PPM1D: variants seen among roughly 807,000 people sequenced by gnomAD.
PPM1D encodes protein phosphatase, Mg2+/Mn2+ dependent 1D, also known as protein phosphatase 1D.
Under a neutral mutation model 58.3 loss-of-function variants are expected in PPM1D, and 52 were observed. The observed-to-expected ratio is 0.89, with a 90% confidence interval of 0.71 to 1.12. The LOEUF (loss-of-function observed/expected upper bound fraction) is 1.12, where lower values mean the gene tolerates loss of function less well. PPM1D is among the 50% of genes most tolerant of loss of function. The pLI is 0.00. For synonymous variants in PPM1D, 278 were observed against 285.1 expected (o/e 0.98, Z 0.25); for missense variants, 564 against 777.2 (o/e 0.73, Z 3.26).
chr17:60,600,701 C>G lies in PPM1D; in HGVS notation c.287C>G (p.Ser96Cys). 5.6e-6 allele frequency: 9 copies of G among 1,601,150 alleles called. No homozygotes were observed. Among genetic ancestry groups the G allele is most frequent in the Non-Finnish European group, 7.7e-6 (9 of 1,174,964 alleles). The part of the protein sequence containing the change: ...PAPSRCCRRR[S>C]SVAFFAVCDG... ...CCTAGCCGCTGCTGCCGCCGCCGTT[C>G]CTCCGTGGCCTTTTTCGCCGTGTGC... The change falls in exon 1 of 6, where the codon TCC becomes TGC. Residue 96 changes from serine to cysteine, a missense_variant. Ser to Cys is a moderately radical substitution (Grantham distance 112, BLOSUM62 -1). Transcript: ENST00000305921.
chr17:60,654,241 G>A (rs762141704), intron 4 of PPM1D, among the ~76,000 whole-genome samples: 7 of 149,938 alleles, frequency 4.7e-5, no homozygotes, highest in East Asian at 4.0e-4. Flanking sequence ...TCAATTTTAC[G>A]AAATGCTTTT....
At chr17:60,602,696 A>G (rs1202036128) in intron 1 of PPM1D, among the ~76,000 whole-genome samples, 1 of 151,906 alleles carries the variant, frequency 6.6e-6, no homozygotes, top group Non-Finnish European at 1.5e-5. Context: ...TATGATGCAT[A>G]AAGTTTAGAG....
At chr17:60,647,216 C>G (rs1372705136) in intron 3 of PPM1D, among the ~76,000 whole-genome samples, 1 of 152,124 alleles carries the variant, frequency 6.6e-6, no homozygotes, top group Admixed American at 6.6e-5. Flanking sequence ...ATCTATGAAT[C>G]TGATTGGTTA....
At chr17:60,619,309 A>C (rs145145639) in intron 1 of PPM1D, among the ~76,000 whole-genome samples, 44 of 150,272 alleles carry the variant, frequency 2.9e-4, no homozygotes, top group African/African-American at 9.1e-4. Flanking sequence ...GATTGTTTTC[A>C]TATCTTGGAT....
At chr17:60,640,327 T>C (rs2031108835) in intron 3 of PPM1D, among the ~76,000 whole-genome samples, 1 of 152,186 alleles carries the variant, frequency 6.6e-6, no homozygotes, top group African/African-American at 2.4e-5. Flanking sequence ...AAGAATTGTG[T>C]CTTTATCTTA....
chr17:60,628,895 T>G, intron 2 of PPM1D, among the ~76,000 whole-genome samples: 1 of 152,208 alleles, frequency 6.6e-6, no homozygotes, highest in East Asian at 1.9e-4. Context: ...TCATCATCTT[T>G]TATATTTTAA....
At chr17:60,621,664 C>T (rs1380224074) in intron 1 of PPM1D, among the ~76,000 whole-genome samples, 12 of 150,256 alleles carry the variant, frequency 8.0e-5, no homozygotes, top group African/African-American at 2.9e-4. Context: ...AGCTCCGCCT[C>T]CCGGGTTCAC....
chr17:60,617,742 C>T (rs998523704), intron 1 of PPM1D, among the ~76,000 whole-genome samples: 1 of 152,028 alleles, frequency 6.6e-6, no homozygotes, highest in African/African-American at 2.4e-5. Context: ...AAATTGATAC[C>T]TTTTCTCTGC....
chr17:60,611,212 G>T (rs963211674), intron 1 of PPM1D, among the ~76,000 whole-genome samples: 1 of 152,016 alleles, frequency 6.6e-6, no homozygotes, highest in East Asian at 1.9e-4. Flanking sequence ...GTAGAGTTAG[G>T]GTTTCACCAT....
At position 60,645,646 on chromosome 17, in the gene PPM1D, G is replaced by GTA. The variant is rs544614194; in HGVS notation, c.827-2233_827-2232dup. Among the ~76,000 whole-genome samples the GTA allele has an allele frequency of 4.1e-3, 521 of 126,586 alleles. 4 individuals are homozygous for GTA. Among genetic ancestry groups the GTA allele is most frequent in the African/African-American group, 0.015 (425 of 29,048 alleles). The allele number at this position is 126,586 out of a possible 152,430, so 83.0% of individuals were successfully genotyped here. ...TATGTATATGTATATGTGTGTGTGTGTATATATATATATACACACACACAC... is the reference window on the plus strand; with the variant it reads ...TATGTATATGTATATGTGTGTGTGTGTATATATATATATATACACACACACAC... On this transcript the variant is annotated intron_variant, in intron 3 of 5. Coordinates refer to ENST00000305921, the MANE Select transcript of PPM1D (RefSeq NM_003620.4).
intron 3 of PPM1D, among the ~76,000 whole-genome samples, chr17:60,638,372 T>A (rs9911074): frequency 0.043 from 6,345 of 146,388 alleles, 354 homozygotes; most frequent in African/African-American, 0.13. Flanking sequence ...CTTGGAAAAA[T>A]TTTTTTTTTT....
At chr17:60,619,919 C>T (rs988187643) in intron 1 of PPM1D, among the ~76,000 whole-genome samples, 26 of 152,010 alleles carry the variant, frequency 1.7e-4, no homozygotes, top group Admixed American at 1.3e-4. Flanking sequence ...TACTTGTTGC[C>T]CATTTGTATG....
chr17:60,603,913 T>C (rs1404898106), intron 1 of PPM1D, among the ~76,000 whole-genome samples: 2 of 152,252 alleles, frequency 1.3e-5, no homozygotes, highest in African/African-American at 4.8e-5. Flanking sequence ...CAGATAATTG[T>C]GGATATTCTG....
intron 3 of PPM1D, among the ~76,000 whole-genome samples, chr17:60,638,824 C>T (rs1334785419): frequency 2.0e-5 from 3 of 151,420 alleles, no homozygotes; most frequent in Admixed American, 6.6e-5. Flanking sequence ...TTTTTTTGGG[C>T]GGGGGAAGGG....
At chr17:60,645,514 A>ATATATGTATATATGTG (rs1567974596) in intron 3 of PPM1D, among the ~76,000 whole-genome samples, 2 of 123,576 alleles carry the variant, frequency 1.6e-5, no homozygotes, top group African/African-American at 7.0e-5. Flanking sequence ...ATATATGTGT[A>ATATATGTATATATGTG]TATATATGTA....
intron 2 of PPM1D, among the ~76,000 whole-genome samples, chr17:60,624,849 A>G (rs975870521): frequency 1.6e-4 from 24 of 150,752 alleles, no homozygotes; most frequent in African/African-American, 5.4e-4. Flanking sequence ...ATAAAGTACT[A>G]AAGTGTGAGG....
chr17:60,600,992 A>G (rs2030197315), intron 1 of PPM1D, 106 bp downstream of exon 1: 4 of 1,488,670 alleles, frequency 2.7e-6, no homozygotes, highest in East Asian at 4.6e-5. Context: ...CAACCAAAGT[A>G]TACACTGATG....
chr17:60,643,116 C>T (rs2031169692), intron 3 of PPM1D, among the ~76,000 whole-genome samples: 1 of 148,382 alleles, frequency 6.7e-6, no homozygotes, highest in East Asian at 2.1e-4. Context: ...CTAATCCCAG[C>T]AGCCTGTAAT....
Position 60,656,974 on chromosome 17 carries a change from T to C in PPM1D, c.1260+133T>C, listed in dbSNP as rs777177135. 34 of 1,575,768 alleles carry C rather than the reference T, an allele frequency of 2.2e-5. No individual in the cohort carries two copies. The African/African-American group carries it at 3.0e-4, about 14-fold the overall frequency. On this transcript the variant is annotated intron_variant, in intron 5 of 5. Transcript: ENST00000305921. ...CGATTCAAGAAAGTGATGTAACTTATTATCAGAGAGCCATCTTTACATCAA... is the reference window on the plus strand; with the variant it reads ...CGATTCAAGAAAGTGATGTAACTTACTATCAGAGAGCCATCTTTACATCAA...
Sources: gnomAD v4.1 joint callset for allele counts (sites outside exome capture counted in the v4.1 genomes callset) on GRCh38, gnomAD v4.1.1 for gene constraint, MANE v1.5 for transcripts, NCBI Gene and HGNC (gene_info 2026-07-23, HGNC 2026-07-21) for gene names.